Variants in WDFY4 observed in about 807,000 individuals in gnomAD.
WDFY4 encodes the protein WD repeat- and FYVE domain-containing protein 4.
WDFY4 carries 169 observed loss-of-function variants against 351.9 expected under a neutral mutation model. The observed-to-expected ratio is 0.48, with a 90% CI of 0.42 to 0.55. The LOEUF (loss-of-function observed/expected upper bound fraction) is 0.55, where lower values mean the gene tolerates loss of function less well. WDFY4 is among the 20% of genes least tolerant of loss of function. The probability of loss-of-function intolerance (pLI) is 0.00; values close to 1 mark genes in which losing one functional copy is unlikely to be tolerated. For synonymous variants in WDFY4, 1,622 were observed against 1,574.6 expected (o/e 1.03, Z -0.71); for missense variants, 3,803 against 3,935.6 (o/e 0.97, Z 0.90).
chr10:48,980,509 AG>A (rs1842764493), intron 60 of WDFY4, among the ~76,000 whole-genome samples: 4 of 152,248 alleles, frequency 2.6e-5, no homozygotes, highest in Admixed American at 2.6e-4. Flanking sequence ...ATTTGCAGCA[AG>A]GCCCAACCCA....
Position 48,757,753 on chromosome 10 carries a change from T to A in WDFY4, c.2460-2594T>A, listed in dbSNP as rs2065379449. On this transcript the variant is annotated intron_variant, in intron 12 of 61. Coordinates refer to ENST00000325239, the MANE Select transcript of WDFY4 (RefSeq NM_001394531.1). ...TATCTACTGAATTTTTTGACTCTCC[T>A]TTTTTGTCTCTCCTTTTTTTTTAGT... 3.3e-5 allele frequency among the ~76,000 whole-genome samples: 5 copies of A among 152,136 alleles called. No individual in the cohort carries two copies. The South Asian group carries it at 1.0e-3, about 32-fold the overall frequency.
At chr10:48,849,221 A>G (rs151076359) in intron 39 of WDFY4, among the ~76,000 whole-genome samples, 13 of 152,386 alleles carry the variant, frequency 8.5e-5, no homozygotes, top group African/African-American at 3.1e-4. Flanking sequence ...CTATGGAGTC[A>G]CATAATATAT....
chr10:48,906,188 G>A lies in WDFY4; in HGVS notation c.7586+4325G>A, dbSNP rs182197762. On this transcript the variant is annotated intron_variant, in intron 47 of 61. Coordinates refer to ENST00000325239, the MANE Select transcript of WDFY4 (RefSeq NM_001394531.1). The stretch of plus-strand genomic sequence containing the variant: ...TACCTATAAACGAGGTGTGTGTGCC[G>A]TTCTGAGGGTTTTCAACTGGCCCAT... Among the ~76,000 whole-genome samples, 135 of 152,272 alleles carry A rather than the reference G, an allele frequency of 8.9e-4. 2 individuals are homozygous for A. Among genetic ancestry groups the A allele is most frequent in the African/African-American group, 3.2e-3 (133 of 41,562 alleles).
intron 47 of WDFY4, chr10:48,913,970 G>A (rs1838258177): frequency 1.2e-6 from 2 of 1,614,186 alleles, no homozygotes; most frequent in Non-Finnish European, 1.7e-6. Context: ...GGATCTTCCT[G>A]ATAAGATTCC....
intron 19 of WDFY4, among the ~76,000 whole-genome samples, chr10:48,781,543 G>A (rs1330766111): frequency 6.6e-6 from 1 of 152,136 alleles, no homozygotes; most frequent in Non-Finnish European, 1.5e-5. Flanking sequence ...CGATCCACCT[G>A]CCTTGCCCTC....
At chr10:48,799,017 G>T (rs1368622174) in intron 24 of WDFY4, among the ~76,000 whole-genome samples, 3 of 152,186 alleles carry the variant, frequency 2.0e-5, no homozygotes, top group Non-Finnish European at 2.9e-5. Flanking sequence ...TGTCTTGACT[G>T]CAACCGCTGC....
In WDFY4 at chr10:48,791,616, A is replaced by G. The variant is rs71500252; in HGVS notation, c.4257+699A>G. On this transcript the variant is annotated intron_variant, in intron 23 of 61. Coordinates refer to ENST00000325239, the MANE Select transcript of WDFY4 (RefSeq NM_001394531.1). ...ATTGTCATTGCTATTTAGAATTGGT[A>G]AAGTCAGATGAGACATGGCCACTGC... is the stretch of plus-strand genomic sequence containing the variant. Among the ~76,000 whole-genome samples the G allele has an allele frequency of 7.0e-3, 1,059 of 152,328 alleles. 26 individuals are homozygous for G. Among genetic ancestry groups the G allele is most frequent in the Admixed American group, 0.039 (596 of 15,310 alleles).
Position 48,981,111 on chromosome 10 carries a change from C to A in WDFY4, c.9377-256C>A, listed in dbSNP as rs539919446. 4.6e-5 allele frequency among the ~76,000 whole-genome samples: 7 copies of A among 152,288 alleles called. No individual in the cohort carries two copies. The South Asian group carries it at 1.5e-3, about 32-fold the overall frequency. Reference sequence around the variant, plus strand: ...GCATGCAATTTAGAAAGCAATAATACACAAATCCAATTTGGTACACAATGG... The same window carrying A: ...GCATGCAATTTAGAAAGCAATAATAAACAAATCCAATTTGGTACACAATGG... On this transcript the variant is annotated intron_variant, in intron 60 of 61. Transcript: ENST00000325239.
At position 48,779,952 on chromosome 10, in the gene WDFY4, C is replaced by T. The variant is rs551664656; in HGVS notation, c.3409C>T (p.Pro1137Ser). 5 of 1,551,694 alleles carry T rather than the reference C, an allele frequency of 3.2e-6. No individual in the cohort carries two copies. Among genetic ancestry groups the T allele is most frequent in the Non-Finnish European group, 4.4e-6 (5 of 1,147,014 alleles). The part of the protein sequence containing the change: ...KEFQPLDVME[P>S]EDDSEPSAGC... The stretch of plus-strand genomic sequence containing the variant: ...ATGCTGTCTTCCAGATGTCATGGAA[C>T]CTGAGGATGACTCCGAGCCTTCTGC... Residue 1137 changes from proline (P) to serine (S), a missense_variant, in exon 19 of 62, where the codon CCT becomes TCT. Around this residue, in one of 3 missense-constraint regions of WDFY4, gnomAD observed 3,054 missense variants for 3,148.6 expected, o/e 0.97. Coordinates refer to ENST00000325239, the MANE Select transcript of WDFY4 (RefSeq NM_001394531.1).
At chr10:48,910,885 G>A (rs1046708800) in intron 47 of WDFY4, 1 of 984,316 alleles carries the variant, frequency 1.0e-6, no homozygotes, top group African/African-American at 1.7e-5. Flanking sequence ...GGCACCAGGT[G>A]GGCTCTGTAA....
chr10:48,947,349 G>T (rs1450514343), intron 51 of WDFY4, among the ~76,000 whole-genome samples: 2 of 152,164 alleles, frequency 1.3e-5, no homozygotes, highest in African/African-American at 2.4e-5. Flanking sequence ...ACAATGAAAA[G>T]AATATGACTC....
intron 5 of WDFY4, among the ~76,000 whole-genome samples, chr10:48,724,564 A>G: frequency 6.6e-6 from 1 of 152,076 alleles, no homozygotes; most frequent in Middle Eastern, 3.2e-3. Flanking sequence ...CCCTGAAGGG[A>G]AGTAGTGCAG....
At chr10:48,733,375 G>C (rs1454127387) in intron 9 of WDFY4, among the ~76,000 whole-genome samples, 4 of 152,144 alleles carry the variant, frequency 2.6e-5, no homozygotes, top group African/African-American at 9.7e-5. Context: ...TGCTGGCATG[G>C]GGATTCAAGG....
chr10:48,783,018 A>T (rs908147884), intron 19 of WDFY4, among the ~76,000 whole-genome samples: 1 of 152,218 alleles, frequency 6.6e-6, no homozygotes, highest in Non-Finnish European at 1.5e-5. Flanking sequence ...TACTCCTGGC[A>T]AGCCTTGATG....
chr10:48,844,736 C>T (rs1443299703), intron 39 of WDFY4, among the ~76,000 whole-genome samples: 2 of 152,176 alleles, frequency 1.3e-5, no homozygotes, highest in African/African-American at 4.8e-5. Flanking sequence ...ATTGAACAAG[C>T]CTGAGTCTTT....
intron 53 of WDFY4, among the ~76,000 whole-genome samples, chr10:48,960,512 A>T (rs1564531000): frequency 6.6e-6 from 1 of 152,202 alleles, no homozygotes; most frequent in African/African-American, 2.4e-5. Flanking sequence ...AAGCTTGGTA[A>T]TTTTTTTAAA....
intron 19 of WDFY4, among the ~76,000 whole-genome samples, chr10:48,784,695 C>T (rs1455731684): frequency 6.6e-6 from 1 of 150,740 alleles, no homozygotes; most frequent in East Asian, 1.9e-4. Context: ...GTGCCCACCA[C>T]CATGCCTAGC....
chr10:48,966,988 TACATGCACACAC>T (rs1275240103), intron 55 of WDFY4: 6 of 353,318 alleles, frequency 1.7e-5, no homozygotes, highest in Non-Finnish European at 2.1e-5. Flanking sequence ...CTCTCTTTTA[TACATGCACACAC>T]ACATGTACAC....
chr10:48,791,110 C>T (rs2066663291), intron 23 of WDFY4, among the ~76,000 whole-genome samples, 193 bp downstream of exon 23: 1 of 152,260 alleles, frequency 6.6e-6, no homozygotes, highest in African/African-American at 2.4e-5. Context: ...AGCCCAAGAG[C>T]TCTGCTCAGG....
Sources: gnomAD v4.1 joint callset for allele counts (sites outside exome capture counted in the v4.1 genomes callset) on GRCh38, gnomAD v4.1.1 for gene constraint, gnomAD v4.1.1 regional missense constraint, MANE v1.5 for transcripts, NCBI Gene and HGNC (gene_info 2026-07-23, HGNC 2026-07-21) for gene names.